IMMP2L: variants seen among roughly 807,000 people sequenced by gnomAD.
IMMP2L encodes mitochondrial inner membrane protease subunit 2.
In IMMP2L, 18 loss-of-function variants were observed where a neutral mutation model predicts 19.3. That is an observed-to-expected ratio of 0.93 (90% CI 0.64 to 1.38). The LOEUF (loss-of-function observed/expected upper bound fraction) is 1.38. IMMP2L is among the 40% of genes most tolerant of loss of function. The pLI is 0.00. For synonymous variants in IMMP2L, 76 were observed against 73.0 expected, an observed-to-expected ratio of 1.04 and a Z score of -0.21; for missense variants, 233 against 218.2, an observed-to-expected ratio of 1.07 and a Z score of -0.43.
chr7:111,498,661 A>G (rs537888880), intron 2 of IMMP2L, among the ~76,000 whole-genome samples: 2 of 152,316 alleles, frequency 1.3e-5, no homozygotes, highest in African/African-American at 2.4e-5. Context: ...CAACATATAC[A>G]ATGGTGTAGC....
intron 3 of IMMP2L, among the ~76,000 whole-genome samples, chr7:111,071,642 C>T (rs937006358): frequency 3.9e-5 from 6 of 152,060 alleles, no homozygotes; most frequent in Non-Finnish European, 7.4e-5. Context: ...TAATGGGTCA[C>T]ATATAATTCC....
intron 3 of IMMP2L, among the ~76,000 whole-genome samples, chr7:111,194,452 A>T (rs1346182285): frequency 6.6e-6 from 1 of 152,112 alleles, no homozygotes; most frequent in African/African-American, 2.4e-5. Flanking sequence ...TTGTACCATT[A>T]CACCTGTTTA....
chr7:110,802,780 C>T (rs1232619304), intron 5 of IMMP2L, among the ~76,000 whole-genome samples: 1 of 151,902 alleles, frequency 6.6e-6, no homozygotes, highest in African/African-American at 2.4e-5. Context: ...CCCTGAGGAA[C>T]CTGTGCAGAG....
chr7:111,555,078 CTA>C (rs1384757280), intron 1 of IMMP2L, among the ~76,000 whole-genome samples: 2 of 152,106 alleles, frequency 1.3e-5, no homozygotes, highest in East Asian at 3.9e-4. Context: ...GATCAGATCC[CTA>C]TGTTACTCAT....
chr7:110,865,177 GCACA>G (rs145596168), intron 5 of IMMP2L, among the ~76,000 whole-genome samples: 1 of 150,960 alleles, frequency 6.6e-6, no homozygotes, highest in South Asian at 2.1e-4. Context: ...GCATACATTT[GCACA>G]CACACACACA....
At chr7:111,177,286 C>A (rs1173030939) in intron 3 of IMMP2L, among the ~76,000 whole-genome samples, 1 of 151,914 alleles carries the variant, frequency 6.6e-6, no homozygotes, top group Non-Finnish European at 1.5e-5. Context: ...CTCAAGTGAT[C>A]CTCCTACCTC....
At chr7:110,996,313 G>A (rs1199060596) in intron 3 of IMMP2L, among the ~76,000 whole-genome samples, 5 of 152,088 alleles carry the variant, frequency 3.3e-5, no homozygotes, top group Admixed American at 2.0e-4. Flanking sequence ...GCCTGTGGAG[G>A]GAAAAACTAC....
intron 4 of IMMP2L, among the ~76,000 whole-genome samples, chr7:110,954,797 A>G (rs1818197590): frequency 6.6e-6 from 1 of 152,108 alleles, no homozygotes; most frequent in Non-Finnish European, 1.5e-5. Context: ...GATGAACTCT[A>G]TTCACGAGAG....
At chr7:111,177,473 G>A (rs1326961729) in intron 3 of IMMP2L, among the ~76,000 whole-genome samples, 1 of 152,014 alleles carries the variant, frequency 6.6e-6, no homozygotes, top group Admixed American at 6.6e-5. Context: ...TAGCCATTGT[G>A]CCCGGGCTTC....
chr7:110,672,627 G>A (rs921929902), intron 5 of IMMP2L, among the ~76,000 whole-genome samples: 2 of 152,182 alleles, frequency 1.3e-5, no homozygotes, highest in African/African-American at 4.8e-5. Flanking sequence ...TGCAATGAGG[G>A]TACAGGCATT....
intron 3 of IMMP2L, among the ~76,000 whole-genome samples, chr7:111,299,803 C>G (rs1017215608): frequency 6.6e-6 from 1 of 151,516 alleles, no homozygotes; most frequent in African/African-American, 2.4e-5. Context: ...GGTCTGTTTA[C>G]ACATAGAATT....
intron 3 of IMMP2L, among the ~76,000 whole-genome samples, chr7:111,424,413 G>A (rs145857505): frequency 6.6e-6 from 1 of 151,796 alleles, no homozygotes; most frequent in African/African-American, 2.4e-5. Flanking sequence ...AAAAGAGAGA[G>A]GCTAGAGACT....
chr7:110,875,392 TTG>T (rs1051125075), intron 5 of IMMP2L, among the ~76,000 whole-genome samples: 19 of 152,152 alleles, frequency 1.2e-4, no homozygotes, highest in African/African-American at 3.9e-4. Context: ...GTTTTTGTGT[TTG>T]TGTTTTTTTT....
At chr7:111,260,049 A>G (rs570365314) in intron 3 of IMMP2L, among the ~76,000 whole-genome samples, 1 of 152,162 alleles carries the variant, frequency 6.6e-6, no homozygotes, top group Admixed American at 6.6e-5. Context: ...GGACCTGCCT[A>G]AGGCTGTTTT....
intron 5 of IMMP2L, among the ~76,000 whole-genome samples, chr7:110,884,680 G>C (rs117034733): frequency 2.6e-5 from 4 of 152,108 alleles, no homozygotes; most frequent in Non-Finnish European, 5.9e-5. Context: ...TTTTTCACTT[G>C]CGAGTTGCTA....
intron 3 of IMMP2L, among the ~76,000 whole-genome samples, chr7:111,016,875 AAT>A (rs1339024508): frequency 2.2e-5 from 2 of 89,472 alleles, no homozygotes; most frequent in Non-Finnish European, 3.9e-5. Context: ...TATTACATAT[AAT>A]ATATATTATA....
intron 3 of IMMP2L, among the ~76,000 whole-genome samples, chr7:111,113,120 T>C (rs888100073): frequency 1.3e-5 from 2 of 152,270 alleles, no homozygotes; most frequent in African/African-American, 4.8e-5. Context: ...CCCTCCAAAA[T>C]ATAATTTTAA....
chr7:111,446,543 G>A (rs940819616), intron 3 of IMMP2L, among the ~76,000 whole-genome samples: 49 of 151,274 alleles, frequency 3.2e-4, no homozygotes, highest in Admixed American at 2.4e-3. Context: ...CATCCACACC[G>A]AAAACCCATC....
chr7:111,181,164 G>A (rs994681790), intron 3 of IMMP2L, among the ~76,000 whole-genome samples: 3 of 151,966 alleles, frequency 2.0e-5, no homozygotes, highest in Non-Finnish European at 2.9e-5. Flanking sequence ...TTGCACATAT[G>A]TTTAGGAGCC....
Sources: allele counts gnomAD v4.1 joint callset (sites outside exome capture counted in the v4.1 genomes callset), GRCh38; gene constraint gnomAD v4.1.1; transcripts MANE v1.5; gene names NCBI Gene and HGNC (gene_info 2026-07-23, HGNC 2026-07-21).